Variants in UQCC1 observed in about 807,000 individuals in gnomAD.
The protein encoded by UQCC1 is ubiquinol-cytochrome c reductase complex assembly factor 1, also known as bFGF-repressed Zic-binding protein.
In UQCC1, 38 loss-of-function variants were observed where a neutral mutation model predicts 48.0. That is an observed-to-expected ratio of 0.79 (90% CI 0.61 to 1.04). The LOEUF (loss-of-function observed/expected upper bound fraction) is 1.04, where lower values mean the gene tolerates loss of function less well. Among genes scored for constraint, UQCC1 ranks in the 50% least tolerant of loss-of-function variants. The pLI, the probability that UQCC1 is intolerant of heterozygous loss-of-function variation, is 0.00. For synonymous variants in UQCC1, 111 were observed against 129.2 expected (o/e 0.86, Z 0.95); for missense variants, 368 against 381.8 (o/e 0.96, Z 0.30).
chr20:35,400,756 A>G (rs2062152685), intron 1 of UQCC1, among the ~76,000 whole-genome samples: 1 of 152,126 alleles, frequency 6.6e-6, no homozygotes, highest in Non-Finnish European at 1.5e-5. Flanking sequence ...CGGCCTCCCA[A>G]AGTGCTGGGA....
rs534396747 is a variant in UQCC1 at position 35,314,679 on chromosome 20, C to A, written c.651+9G>T. 6.9e-6 allele frequency: 11 copies of A among 1,599,786 alleles called. No homozygotes were observed. Among genetic ancestry groups the A allele is most frequent in the Non-Finnish European group, 9.4e-6 (11 of 1,169,662 alleles). On this transcript the variant is annotated intron_variant, in intron 8 of 9. Transcript: ENST00000374385. ...ACCGTCCTGCCTAAGCCTTGGCAAA[C>A]AATCTTACCTCATCATATCCCAAGA...
chr20:35,371,476 T>C (rs1265262792), intron 5 of UQCC1, among the ~76,000 whole-genome samples: 1 of 151,608 alleles, frequency 6.6e-6, no homozygotes, highest in Non-Finnish European at 1.5e-5. Context: ...TAGCTGGGAT[T>C]AGAGGCACCC....
intron 1 of UQCC1, among the ~76,000 whole-genome samples, chr20:35,397,527 A>C (rs2062099161): frequency 6.6e-6 from 1 of 151,656 alleles, no homozygotes; most frequent in East Asian, 1.9e-4. Flanking sequence ...AAAAAAAAAA[A>C]AGAAAAAAGA....
intron 1 of UQCC1, among the ~76,000 whole-genome samples, chr20:35,398,459 G>A (rs2062113133): frequency 6.6e-6 from 1 of 152,140 alleles, no homozygotes; most frequent in Non-Finnish European, 1.5e-5. Context: ...GTGGGGTGGA[G>A]AAAGGCATTA....
At chr20:35,389,283 T>C (rs2061984655) in intron 2 of UQCC1, among the ~76,000 whole-genome samples, 1 of 152,006 alleles carries the variant, frequency 6.6e-6, no homozygotes, top group Admixed American at 6.6e-5. Context: ...AATTGGAAAA[T>C]GAATTATAAG....
At chr20:35,405,482 G>GAA (rs555084300) in intron 1 of UQCC1, among the ~76,000 whole-genome samples, 1 of 152,146 alleles carries the variant, frequency 6.6e-6, no homozygotes, top group Non-Finnish European at 1.5e-5. Flanking sequence ...TACACAGGGG[G>GAA]AAAAAATGCA....
At chr20:35,304,095 G>A (rs2060901437) in intron 9 of UQCC1, 26 bp from the exon 10 acceptor site, 1 of 1,613,758 alleles carries the variant, frequency 6.2e-7, no homozygotes, top group Non-Finnish European at 8.5e-7. Context: ...GGGGAAGGAG[G>A]AAGCGACAGA....
chr20:35,311,924 G>A (rs965524045), intron 8 of UQCC1, among the ~76,000 whole-genome samples: 2 of 152,210 alleles, frequency 1.3e-5, no homozygotes, highest in Non-Finnish European at 2.9e-5. Flanking sequence ...AATCTTCAGA[G>A]AGGTGATAAA....
At chr20:35,338,892 A>AAAAAAAAAAAAAAAAAAAAAAAATAT (rs1555805500) in intron 7 of UQCC1, among the ~76,000 whole-genome samples, 1 of 30,560 alleles carries the variant, frequency 3.3e-5, no homozygotes, top group Non-Finnish European at 4.8e-5. Flanking sequence ...AAAAAAAAAA[A>AAAAAAAAAAAAAAAAAAAAAAAATAT]ATATATATAT....
In UQCC1 at chr20:35,313,589, C is replaced by T. The variant is rs561426539; in HGVS notation, c.651+1099G>A. Among the ~76,000 whole-genome samples the T allele has an allele frequency of 3.9e-5, 6 of 152,234 alleles. No individual in the cohort carries two copies. The East Asian group carries it at 1.2e-3, about 29-fold the overall frequency. On this transcript the variant is annotated intron_variant, in intron 8 of 9. Transcript: ENST00000374385. Reference sequence around the variant, plus strand: ...AATAAACTAGAAATTAAGTTTTCGTCTGGAGCAGGGTAGGAAATAGGTCTT... The same window carrying T: ...AATAAACTAGAAATTAAGTTTTCGTTTGGAGCAGGGTAGGAAATAGGTCTT...
chr20:35,309,313 T>G (rs921305944), intron 8 of UQCC1: 29 of 392,208 alleles, frequency 7.4e-5, no homozygotes, highest in African/African-American at 5.2e-4. Context: ...ACAAGTGTAG[T>G]CCCAGCTACT....
intron 7 of UQCC1, among the ~76,000 whole-genome samples, chr20:35,336,777 A>G (rs1468786466): frequency 6.6e-6 from 1 of 152,262 alleles, no homozygotes; most frequent in Non-Finnish European, 1.5e-5. Flanking sequence ...AAATGAGGCT[A>G]GAAATGTTAC....
intron 6 of UQCC1, among the ~76,000 whole-genome samples, chr20:35,359,076 A>G (rs11906672): frequency 0.013 from 1,946 of 152,276 alleles, 43 homozygotes; most frequent in African/African-American, 0.045. Flanking sequence ...GGACAAAGGA[A>G]GAAAATGTCA....
intron 1 of UQCC1, among the ~76,000 whole-genome samples, chr20:35,408,294 T>G (rs759462142): frequency 4.6e-5 from 7 of 151,832 alleles, no homozygotes; most frequent in Non-Finnish European, 7.4e-5. Flanking sequence ...CTGGGTGTGT[T>G]GGCACACACC....
chr20:35,399,937 T>G (rs1220801453), intron 1 of UQCC1, among the ~76,000 whole-genome samples: 3 of 147,764 alleles, frequency 2.0e-5, no homozygotes, highest in African/African-American at 7.4e-5. Context: ...TTTTTTTTTT[T>G]TTTTTTGAGA....
chr20:35,335,198 T>G (rs6060378), intron 7 of UQCC1, among the ~76,000 whole-genome samples: 56,662 of 151,986 alleles, frequency 0.37, 11,205 homozygotes, highest in African/African-American at 0.5. Flanking sequence ...ATATCTGAAT[T>G]CTTCAAAAAG....
intron 8 of UQCC1, among the ~76,000 whole-genome samples, chr20:35,311,277 C>T (rs2146300819): frequency 6.6e-6 from 1 of 152,230 alleles, no homozygotes; most frequent in Admixed American, 6.5e-5. Flanking sequence ...GCAATTTGGA[C>T]CTAATGTCAC....
chr20:35,379,957 A>G (rs528249129), intron 4 of UQCC1, among the ~76,000 whole-genome samples: 1 of 152,364 alleles, frequency 6.6e-6, no homozygotes, highest in African/African-American at 2.4e-5. Flanking sequence ...AGGCTAAAAG[A>G]GCAAAGGAAT....
At chr20:35,317,204 C>G (rs575814529) in intron 7 of UQCC1, among the ~76,000 whole-genome samples, 31 of 152,328 alleles carry the variant, frequency 2.0e-4, no homozygotes, top group African/African-American at 7.5e-4. Context: ...TCCTAAAGTG[C>G]TGGGATTACA....
Sources: gnomAD v4.1 joint callset for allele counts (sites outside exome capture counted in the v4.1 genomes callset) on GRCh38, gnomAD v4.1.1 for gene constraint, MANE v1.5 for transcripts, NCBI Gene and HGNC (gene_info 2026-07-23, HGNC 2026-07-21) for gene names.